WWOX: variants seen among roughly 807,000 people sequenced by gnomAD.
WWOX encodes the protein WW domain-containing oxidoreductase.
A neutral mutation model predicts 46.2 loss-of-function variants in WWOX; 69 were observed. The ratio of observed to expected loss-of-function variants is 1.49; its 90% confidence interval spans 1.23 to 1.82. The LOEUF (loss-of-function observed/expected upper bound fraction) is 1.82, where lower values mean the gene tolerates loss of function less well. Among genes scored for constraint, WWOX ranks in the 40% most tolerant of loss-of-function variants. The pLI is 0.00. For missense variants in WWOX, 919 were observed against 542.6 expected (o/e 1.69, Z -6.89); for synonymous variants, 359 against 202.6 (o/e 1.77, Z -6.56).
chr16:79,116,722 T>G (rs1168408448), intron 8 of WWOX, among the ~76,000 whole-genome samples: 1 of 152,098 alleles, frequency 6.6e-6, no homozygotes, highest in African/African-American at 2.4e-5. Flanking sequence ...TGGAATAAAC[T>G]TCTTCCAAAC....
chr16:78,750,890 A>T (rs1216021475), intron 8 of WWOX, among the ~76,000 whole-genome samples: 2 of 151,912 alleles, frequency 1.3e-5, no homozygotes, highest in South Asian at 2.1e-4. Context: ...TAACTAATCC[A>T]CCATTGATGG....
chr16:79,049,401 G>T (rs1034739627), intron 8 of WWOX, among the ~76,000 whole-genome samples: 8 of 152,218 alleles, frequency 5.3e-5, no homozygotes, highest in African/African-American at 1.9e-4. Context: ...GCTCAGGGCT[G>T]GCAGTTGTAG....
At chr16:79,062,040 T>A (rs1370571677) in intron 8 of WWOX, among the ~76,000 whole-genome samples, 1 of 152,142 alleles carries the variant, frequency 6.6e-6, no homozygotes, top group Admixed American at 6.5e-5. Context: ...TGGTTTGTGA[T>A]GCCCTTATCA....
intron 8 of WWOX, among the ~76,000 whole-genome samples, chr16:78,807,776 A>G (rs1386970344): frequency 6.6e-6 from 1 of 152,222 alleles, no homozygotes; most frequent in Non-Finnish European, 1.5e-5. Flanking sequence ...TGTTTGTCTG[A>G]TACGGTAGCC....
chr16:78,464,873 C>T (rs142522235), intron 8 of WWOX, among the ~76,000 whole-genome samples: 5 of 152,170 alleles, frequency 3.3e-5, no homozygotes, highest in African/African-American at 1.2e-4. Flanking sequence ...TCCCATACTT[C>T]TGTGAAGAAA....
At chr16:78,223,226 G>T (rs770549374) in intron 5 of WWOX, among the ~76,000 whole-genome samples, 2 of 152,088 alleles carry the variant, frequency 1.3e-5, no homozygotes, top group Non-Finnish European at 2.9e-5. Context: ...GAGATATTTG[G>T]GTTGTCATAT....
intron 8 of WWOX, among the ~76,000 whole-genome samples, chr16:78,515,236 T>C (rs2085461305): frequency 1.3e-5 from 2 of 151,950 alleles, no homozygotes; most frequent in Non-Finnish European, 1.5e-5. Context: ...AAACAGAAAA[T>C]AAAACAAACA....
At chr16:79,068,471 A>T (rs1270273402) in intron 8 of WWOX, among the ~76,000 whole-genome samples, 1 of 152,066 alleles carries the variant, frequency 6.6e-6, no homozygotes, top group African/African-American at 2.4e-5. Context: ...TTCACGTGCC[A>T]CATGGTTTTC....
At chr16:78,760,512 C>G (rs1329305499) in intron 8 of WWOX, among the ~76,000 whole-genome samples, 1 of 152,192 alleles carries the variant, frequency 6.6e-6, no homozygotes, top group African/African-American at 2.4e-5. Context: ...TTACTCAGCC[C>G]AACACACTCC....
chr16:78,611,712 T>A (rs1475095281), intron 8 of WWOX, among the ~76,000 whole-genome samples: 2 of 152,242 alleles, frequency 1.3e-5, no homozygotes, highest in Non-Finnish European at 2.9e-5. Flanking sequence ...CAGCAACTCA[T>A]ATATTTCTCA....
chr16:79,157,108 A>C (rs928083405), intron 8 of WWOX, among the ~76,000 whole-genome samples: 1 of 152,230 alleles, frequency 6.6e-6, no homozygotes, highest in Non-Finnish European at 1.5e-5. Context: ...AAACAGAGTA[A>C]TTCTGTAGAA....
At chr16:78,599,124 A>C (rs1202916436) in intron 8 of WWOX, among the ~76,000 whole-genome samples, 1 of 152,140 alleles carries the variant, frequency 6.6e-6, no homozygotes, top group African/African-American at 2.4e-5. Context: ...GCTCTCAGCT[A>C]AACTCCAGGG....
chr16:78,902,969 C>G (rs551952814), intron 8 of WWOX, among the ~76,000 whole-genome samples: 16 of 152,262 alleles, frequency 1.1e-4, no homozygotes, highest in Admixed American at 4.6e-4. Context: ...CTGGATGAGT[C>G]CTTTTGTTAC....
chr16:78,861,379 A>G (rs577986729), intron 8 of WWOX, among the ~76,000 whole-genome samples: 2 of 152,346 alleles, frequency 1.3e-5, no homozygotes, highest in South Asian at 2.1e-4. Context: ...TTATTTTAAA[A>G]TGTAAAATGA....
chr16:79,025,772 T>C (rs2550706), intron 8 of WWOX, among the ~76,000 whole-genome samples: 104,238 of 144,054 alleles, frequency 0.72, 38,164 homozygotes, highest in East Asian at 0.91. Context: ...TCTCCCCTGT[T>C]GCCGTTTTCT....
At chr16:78,761,868 A>G (rs2049803405) in intron 8 of WWOX, among the ~76,000 whole-genome samples, 1 of 152,216 alleles carries the variant, frequency 6.6e-6, no homozygotes, top group Non-Finnish European at 1.5e-5. Flanking sequence ...TAACTAGTTC[A>G]TTAGTGCTAA....
chr16:78,515,533 C>G (rs541978070), intron 8 of WWOX, among the ~76,000 whole-genome samples: 1 of 152,144 alleles, frequency 6.6e-6, no homozygotes, highest in Non-Finnish European at 1.5e-5. Context: ...AGGTGACTTG[C>G]ATGTTGTCTA....
intron 8 of WWOX, among the ~76,000 whole-genome samples, chr16:78,481,184 T>G (rs2084476765): frequency 6.6e-6 from 1 of 152,200 alleles, no homozygotes; most frequent in Admixed American, 6.5e-5. Context: ...AGTTTATAAT[T>G]TGTAAATAAG....
chr16:78,117,579 T>C (rs2032863309), intron 4 of WWOX, among the ~76,000 whole-genome samples: 1 of 152,202 alleles, frequency 6.6e-6, no homozygotes, highest in Non-Finnish European at 1.5e-5. Context: ...TTAGCTTTTA[T>C]ATCCTGCGTG....
Sources: allele counts gnomAD v4.1 joint callset (sites outside exome capture counted in the v4.1 genomes callset), GRCh38; gene constraint gnomAD v4.1.1; transcripts MANE v1.5; gene names NCBI Gene and HGNC (gene_info 2026-07-23, HGNC 2026-07-21).